Variants in DENND2C observed in about 807,000 individuals in gnomAD.
The protein encoded by DENND2C is DENN domain-containing protein 2C.
DENND2C carries 72 observed loss-of-function variants against 112.4 expected under a neutral mutation model. The observed-to-expected ratio is 0.64, with a 90% confidence interval of 0.53 to 0.78. DENND2C has a LOEUF of 0.78. Among genes scored for constraint, DENND2C ranks in the 30% least tolerant of loss-of-function variants. The pLI, the probability that DENND2C is intolerant of heterozygous loss-of-function variation, is 0.00. For missense variants in DENND2C, 992 were observed against 1,113.8 expected, an observed-to-expected ratio of 0.89 and a Z score of 1.56; for synonymous variants, 329 against 381.6, an observed-to-expected ratio of 0.86 and a Z score of 1.61.
In DENND2C at chr1:114,611,047, G is replaced by A. The variant is rs746680162; in HGVS notation, c.1369+26C>T. The A allele has an allele frequency of 1.5e-5, 24 of 1,613,916 alleles. 1 individual carries two copies. In the East Asian group the frequency reaches 3.6e-4, roughly 24 times the overall value. On this transcript the variant is annotated intron_variant, in intron 9 of 20. Transcript: ENST00000393274. Reference sequence around the variant, plus strand: ...CCTAACCCATGATCATCACAACAACGGGAGCAGCCCCATTGACTCACTCAC... The same window carrying A: ...CCTAACCCATGATCATCACAACAACAGGAGCAGCCCCATTGACTCACTCAC...
Position 114,608,892 on chromosome 1 carries a change from G to GGT in DENND2C, c.1370-20_1370-19insAC, listed in dbSNP as rs1311047012. The GGT allele has an allele frequency of 1.9e-6, 3 of 1,613,504 alleles. No homozygotes were observed. The highest frequency in any genetic ancestry group is 2.5e-6 in the Non-Finnish European group (3 of 1,179,922). On this transcript the variant is annotated intron_variant, in intron 9 of 20. Coordinates refer to ENST00000393274, the MANE Select transcript of DENND2C (RefSeq NM_001256404.2). ...TGGCGATCTGTAATGAAATCATGGAGAAATGTTTTTTTCTCTGTAGCCCTA... is the reference window on the plus strand; with the variant it reads ...TGGCGATCTGTAATGAAATCATGGAGGTAAATGTTTTTTTCTCTGTAGCCCTA...
At chr1:114,645,932 C>T (rs916465752) in intron 2 of DENND2C, among the ~76,000 whole-genome samples, 1 of 145,576 alleles carries the variant, frequency 6.9e-6, no homozygotes, top group East Asian at 2.0e-4. Context: ...ATTTCTCATT[C>T]TTTTTTTTTT....
chr1:114,603,835 C>G (rs753191203), intron 11 of DENND2C, among the ~76,000 whole-genome samples: 4 of 152,118 alleles, frequency 2.6e-5, no homozygotes, highest in Non-Finnish European at 5.9e-5. Flanking sequence ...CTGCACCTGG[C>G]CTAAATCCAA....
At chr1:114,587,621 C>A in intron 19 of DENND2C, 95 bp downstream of exon 19, 1 of 1,417,590 alleles carries the variant, frequency 7.1e-7, no homozygotes, top group Non-Finnish European at 9.7e-7. Flanking sequence ...AGATTTTAAG[C>A]CCTTGTCGCT....
intron 1 of DENND2C, among the ~76,000 whole-genome samples, chr1:114,664,767 T>G (rs1353175190): frequency 6.7e-6 from 1 of 149,178 alleles, no homozygotes. Context: ...TGTGAGCCAC[T>G]GTGCCTGGGC....
At chr1:114,669,749 A>G (rs1006559929) in intron 1 of DENND2C, among the ~76,000 whole-genome samples, 2 of 151,958 alleles carry the variant, frequency 1.3e-5, no homozygotes, top group Admixed American at 6.5e-5. Context: ...CCGTGCGGCC[A>G]CGAGAGGACG....
chr1:114,661,528 A>T (rs1011787017), intron 1 of DENND2C, among the ~76,000 whole-genome samples: 7 of 152,242 alleles, frequency 4.6e-5, no homozygotes, highest in Non-Finnish European at 1.0e-4. Flanking sequence ...GGGCTTATTT[A>T]AAAGTCCAGT....
intron 8 of DENND2C, among the ~76,000 whole-genome samples, chr1:114,615,412 T>C (rs957878058): frequency 5.3e-5 from 8 of 152,262 alleles, no homozygotes; most frequent in Admixed American, 2.0e-4. Context: ...TGTGGAGCCA[T>C]GCTCCTTGAT....
chr1:114,621,374 TCTC>T (rs1304546780), intron 7 of DENND2C, among the ~76,000 whole-genome samples: 1 of 152,260 alleles, frequency 6.6e-6, no homozygotes, highest in African/African-American at 2.4e-5. Context: ...TACTGCCTTT[TCTC>T]CCTTGAGGGA....
At chr1:114,663,450 G>C (rs753800043) in intron 1 of DENND2C, among the ~76,000 whole-genome samples, 10 of 152,186 alleles carry the variant, frequency 6.6e-5, no homozygotes, top group Non-Finnish European at 1.3e-4. Flanking sequence ...CCATTTAAAT[G>C]AGAAATGGGG....
chr1:114,643,493 T>C (rs1048121073), intron 3 of DENND2C, among the ~76,000 whole-genome samples: 2 of 152,216 alleles, frequency 1.3e-5, no homozygotes, highest in African/African-American at 4.8e-5. Flanking sequence ...AACAGGCTTC[T>C]ACTTTTCAAA....
chr1:114,639,149 A>T (rs1358377071), intron 3 of DENND2C, among the ~76,000 whole-genome samples: 1 of 152,196 alleles, frequency 6.6e-6, no homozygotes, highest in Non-Finnish European at 1.5e-5. Flanking sequence ...TTACACACCC[A>T]CTAGAATGGC....
intron 1 of DENND2C, among the ~76,000 whole-genome samples, chr1:114,656,213 T>A (rs1055678822): frequency 6.6e-6 from 1 of 151,560 alleles, no homozygotes; most frequent in African/African-American, 2.4e-5. Flanking sequence ...GGACCACAGG[T>A]GTGTGCCACC....
At chr1:114,612,793 T>C (rs1329096032) in intron 8 of DENND2C, among the ~76,000 whole-genome samples, 2 of 151,920 alleles carry the variant, frequency 1.3e-5, no homozygotes, top group East Asian at 3.9e-4. Context: ...GCTGGGATTA[T>C]AGGCATGAGC....
At chr1:114,666,337 C>A (rs1467528727) in intron 1 of DENND2C, among the ~76,000 whole-genome samples, 1 of 152,198 alleles carries the variant, frequency 6.6e-6, no homozygotes, top group African/African-American at 2.4e-5. Context: ...TTCCTAAACA[C>A]CTATATCTAA....
chr1:114,637,323 C>A (rs1656683909), intron 3 of DENND2C, among the ~76,000 whole-genome samples: 1 of 144,898 alleles, frequency 6.9e-6, no homozygotes, highest in Admixed American at 7.1e-5. Flanking sequence ...GAGCCAAGAT[C>A]GTGCTACTGT....
chr1:114,645,025 T>C (rs563563415), intron 3 of DENND2C, among the ~76,000 whole-genome samples: 5 of 152,270 alleles, frequency 3.3e-5, no homozygotes, highest in East Asian at 3.9e-4. Context: ...ATTAAATATG[T>C]AAAAGGAGGG....
chr1:114,623,387 G>T, intron 5 of DENND2C, 120 bp downstream of exon 5: 2 of 994,664 alleles, frequency 2.0e-6, no homozygotes, highest in Non-Finnish European at 2.9e-6. Context: ...ACGTTTCCAT[G>T]CTAAAGAGAA....
At chr1:114,597,586 A>G (rs1313072876) in intron 16 of DENND2C, among the ~76,000 whole-genome samples, 1 of 152,150 alleles carries the variant, frequency 6.6e-6, no homozygotes, top group East Asian at 1.9e-4. Flanking sequence ...GTTTGAGACC[A>G]GCCTGGCCAA....
Sources: gnomAD v4.1 joint callset for allele counts (sites outside exome capture counted in the v4.1 genomes callset) on GRCh38, gnomAD v4.1.1 for gene constraint, MANE v1.5 for transcripts, NCBI Gene and HGNC (gene_info 2026-07-23, HGNC 2026-07-21) for gene names.